The following DMD variants were observed in gnomAD, a reference collection of about 807,000 sequenced individuals.
The protein encoded by DMD is mutant dystrophin.
DMD carries 63 observed loss-of-function variants against 330.1 expected under a neutral mutation model. The ratio of observed to expected loss-of-function variants is 0.19; its 90% CI spans 0.16 to 0.24. The LOEUF (loss-of-function observed/expected upper bound fraction) is 0.24, where lower values mean the gene tolerates loss of function less well. DMD is among the 10% of genes least tolerant of loss of function. The pLI, the probability that DMD is intolerant of heterozygous loss-of-function variation, is 1.00. For missense variants in DMD, 3,344 were observed against 2,684.1 expected (o/e 1.25, Z -5.43); for synonymous variants, 1,223 against 959.8 (o/e 1.27, Z -5.07).
intron 37 of DMD, among the ~76,000 whole-genome samples, chrX:32,352,985 C>T (rs1422056939): frequency 4.5e-5 from 5 of 111,020 alleles, no homozygotes; most frequent in Non-Finnish European, 9.5e-5. Flanking sequence ...GAAAACACTG[C>T]CTTTTATTTT....
chrX:32,408,622 A>G (rs767526556), intron 30 of DMD, among the ~76,000 whole-genome samples: 1 of 111,912 alleles, frequency 8.9e-6, no homozygotes, highest in South Asian at 3.7e-4. Context: ...TGACCAGTAT[A>G]TGACAGAAAA....
At chrX:33,152,524 A>T (rs745497308) in intron 1 of DMD, among the ~76,000 whole-genome samples, 1 of 107,139 alleles carries the variant, frequency 9.3e-6, no homozygotes, top group South Asian at 4.1e-4. Context: ...AGAGCCACAC[A>T]CGGAGTTTGT....
chrX:31,977,401 C>T lies in DMD; in HGVS notation c.6439-8887G>A, dbSNP rs147408480. On this transcript the variant is annotated intron_variant, in intron 44 of 78. Coordinates refer to ENST00000357033, the MANE Select transcript of DMD (RefSeq NM_004006.3). Reference sequence around the variant, plus strand: ...ATAACAAGTTATTAAGGAAAGCTGTCGTTTCTCAGGCTCTTGAGAATGGGA... The same window carrying T: ...ATAACAAGTTATTAAGGAAAGCTGTTGTTTCTCAGGCTCTTGAGAATGGGA... Among the ~76,000 whole-genome samples the T allele has an allele frequency of 3.5e-3, 388 of 111,178 alleles. 3 individuals carry two copies. Among genetic ancestry groups the T allele is most frequent in the African/African-American group, 0.012 (367 of 30,641 alleles).
intron 67 of DMD, among the ~76,000 whole-genome samples, chrX:31,201,158 T>TACACAC (rs57235865): frequency 0.058 from 5,694 of 98,241 alleles, 155 homozygotes; most frequent in African/African-American, 0.076. Context: ...AGAGACCCTG[T>TACACAC]ACACACACAC....
chrX:31,834,431 CT>C (rs1487672605), intron 49 of DMD, among the ~76,000 whole-genome samples: 3 of 111,445 alleles, frequency 2.7e-5, no homozygotes, highest in African/African-American at 6.5e-5. Context: ...ATTTTTGCCC[CT>C]ATCAACTTGA....
chrX:33,241,873 T>C (rs914533692), intron 1 of DMD, among the ~76,000 whole-genome samples: 12 of 110,867 alleles, frequency 1.1e-4, no homozygotes, highest in African/African-American at 3.9e-4. Context: ...GCGATTCTCA[T>C]GCCTCGGCCA....
chrX:31,903,484 A>C (rs1342751986), intron 47 of DMD, among the ~76,000 whole-genome samples: 1 of 112,331 alleles, frequency 8.9e-6, no homozygotes, highest in Non-Finnish European at 1.9e-5. Flanking sequence ...TAAAACCAGC[A>C]ATGTTAAACA....
chrX:31,870,315 G>A (rs1243876678), intron 48 of DMD, among the ~76,000 whole-genome samples: 1 of 111,364 alleles, frequency 9.0e-6, no homozygotes, highest in African/African-American at 3.3e-5. Context: ...TATACCTCAG[G>A]AATAAACTTT....
intron 47 of DMD, among the ~76,000 whole-genome samples, chrX:31,877,723 G>A (rs2093991108): frequency 9.0e-6 from 1 of 111,224 alleles, no homozygotes; most frequent in African/African-American, 3.3e-5. Context: ...AGGTATGTGT[G>A]ATGTAGGTGA....
chrX:31,405,050 T>C (rs1477228167), intron 60 of DMD, among the ~76,000 whole-genome samples: 1 of 111,800 alleles, frequency 8.9e-6, no homozygotes, highest in East Asian at 2.8e-4. Flanking sequence ...CTCGGCACTA[T>C]TCCTGGAAGA....
intron 44 of DMD, among the ~76,000 whole-genome samples, chrX:32,042,855 G>A (rs1048019560): frequency 1.6e-4 from 18 of 111,966 alleles, no homozygotes; most frequent in African/African-American, 5.8e-4. Flanking sequence ...ATTATATGAA[G>A]ATTAGAATAG....
intron 60 of DMD, among the ~76,000 whole-genome samples, chrX:31,421,925 A>G (rs184856614): frequency 0.19 from 16,132 of 86,195 alleles, 2,702 homozygotes; most frequent in African/African-American, 0.48. Context: ...ATATATATAT[A>G]TATATATACA....
At chrX:32,167,347 G>A (rs2096871975) in intron 44 of DMD, among the ~76,000 whole-genome samples, 1 of 111,957 alleles carries the variant, frequency 8.9e-6, no homozygotes, top group Admixed American at 9.5e-5. Context: ...GGAAATGTGG[G>A]CCTTGAAGTC....
intron 61 of DMD, 148 bp downstream of exon 61, chrX:31,348,408 C>G: frequency 1.7e-6 from 1 of 588,727 alleles, no homozygotes; most frequent in Non-Finnish European, 2.8e-6. Flanking sequence ...ACTTATCAAC[C>G]AAGTTATATT....
At chrX:32,849,323 C>G (rs1056729534) in intron 3 of DMD, among the ~76,000 whole-genome samples, 1 of 111,557 alleles carries the variant, frequency 9.0e-6, no homozygotes, top group African/African-American at 3.3e-5. Context: ...CATATGCTAT[C>G]ACGTATTACA....
chrX:32,052,606 A>T (rs759659146), intron 44 of DMD, among the ~76,000 whole-genome samples: 10 of 111,654 alleles, frequency 9.0e-5, no homozygotes, highest in Non-Finnish European at 1.7e-4. Context: ...TGACTTGACT[A>T]ATCATACAAA....
At chrX:32,000,152 C>A (rs949272078) in intron 44 of DMD, among the ~76,000 whole-genome samples, 4 of 112,252 alleles carry the variant, frequency 3.6e-5, no homozygotes, top group Non-Finnish European at 7.5e-5. Flanking sequence ...GTATCTTGGA[C>A]AATCCATGCA....
intron 26 of DMD, 100 bp downstream of exon 26, chrX:32,454,562 A>G (rs2098347629): frequency 1.5e-6 from 1 of 664,760 alleles, no homozygotes; most frequent in Admixed American, 3.6e-5. Flanking sequence ...TCTTAGAACC[A>G]GGAAAGAGCA....
intron 60 of DMD, among the ~76,000 whole-genome samples, chrX:31,360,088 C>T (rs982029089): frequency 9.2e-5 from 10 of 109,133 alleles, no homozygotes; most frequent in African/African-American, 2.3e-4. Context: ...AGTAAAGGCC[C>T]GGATATGAAG....
Sources: allele counts gnomAD v4.1 joint callset (sites outside exome capture counted in the v4.1 genomes callset), GRCh38; gene constraint gnomAD v4.1.1; transcripts MANE v1.5; gene names NCBI Gene and HGNC (gene_info 2026-07-23, HGNC 2026-07-21).